MYLK: variants seen among roughly 807,000 people sequenced by gnomAD.
MYLK encodes the protein myosin light chain kinase.
MYLK carries 106 observed loss-of-function variants against 203.4 expected under a neutral mutation model. The ratio of observed to expected loss-of-function variants is 0.52; its 90% CI spans 0.45 to 0.61. MYLK has a LOEUF of 0.61. Among genes scored for constraint, MYLK ranks in the 20% least tolerant of loss-of-function variants. The pLI is 0.00. For synonymous variants in MYLK, 867 were observed against 959.5 expected (o/e 0.90, Z 1.78); for missense variants, 2,072 against 2,442.3 (o/e 0.85, Z 3.20).
rs148979405 is a variant in MYLK at position 123,702,805 on chromosome 3, A to G, written c.2391-1296T>C. ...CACGTTTGACACCAGCTTGGGCAAC[A>G]TAGCAAGACCTTACCTCTATTAAAA... is the stretch of plus-strand genomic sequence containing the variant. On this transcript the variant is annotated intron_variant, in intron 16 of 33. Coordinates refer to ENST00000360304, the MANE Select transcript of MYLK (RefSeq NM_053025.4). 1.2e-3 allele frequency among the ~76,000 whole-genome samples: 179 copies of G among 152,338 alleles called. 4 individuals carry two copies. The highest frequency in any genetic ancestry group is 1.8e-4 in the Non-Finnish European group (12 of 68,034).
chr3:123,772,221 G>T (rs2063906633), intron 4 of MYLK, among the ~76,000 whole-genome samples: 1 of 152,110 alleles, frequency 6.6e-6, no homozygotes. Flanking sequence ...AGGATTATAT[G>T]ATTAGATATG....
At chr3:123,718,554 T>C (rs1419760351) in intron 13 of MYLK, among the ~76,000 whole-genome samples, 2 of 152,222 alleles carry the variant, frequency 1.3e-5, no homozygotes, top group Admixed American at 6.5e-5. Context: ...GCTGTCTTGC[T>C]ACTCCTCGAA....
intron 3 of MYLK, among the ~76,000 whole-genome samples, chr3:123,797,019 A>G (rs1005774033): frequency 2.0e-5 from 3 of 152,236 alleles, no homozygotes; most frequent in African/African-American, 7.2e-5. Context: ...AAAATCCAAC[A>G]GTGAGAACTG....
At chr3:123,732,274 T>C (rs1340929099) in intron 11 of MYLK, among the ~76,000 whole-genome samples, 1 of 152,220 alleles carries the variant, frequency 6.6e-6, no homozygotes, top group Non-Finnish European at 1.5e-5. Flanking sequence ...CATACCTAAA[T>C]TAGATACAGC....
chr3:123,789,567 G>C (rs535122350), intron 4 of MYLK, among the ~76,000 whole-genome samples: 65 of 152,000 alleles, frequency 4.3e-4, no homozygotes, highest in Admixed American at 7.2e-4. Flanking sequence ...CACGGGAAGA[G>C]GGATCTGGTT....
rs114607641 is a variant in MYLK at position 123,653,696 on chromosome 3, C to T, written c.4288+3430G>A. On this transcript the variant is annotated intron_variant, in intron 24 of 33. Coordinates refer to ENST00000360304, the MANE Select transcript of MYLK (RefSeq NM_053025.4). Reference sequence around the variant, plus strand: ...TCTTCCTCCTGGCAGAGTCTCCACACAGCCCTGGGAGCAGCTGTCCTAGAC... The same window carrying T: ...TCTTCCTCCTGGCAGAGTCTCCACATAGCCCTGGGAGCAGCTGTCCTAGAC... Among the ~76,000 whole-genome samples the T allele has an allele frequency of 2.9e-3, 441 of 152,284 alleles. 2 individuals carry two copies. Among genetic ancestry groups the T allele is most frequent in the African/African-American group, 0.01 (425 of 41,554 alleles).
rs1421288220 is a variant in MYLK at position 123,709,819 on chromosome 3, G to C, written c.1879C>G (p.Gln627Glu). The C allele has an allele frequency of 2.5e-6, 4 of 1,614,210 alleles. No homozygotes were observed. Among genetic ancestry groups the C allele is most frequent in the Non-Finnish European group, 3.4e-6 (4 of 1,180,034 alleles). The change falls in exon 14 of 34, where the codon CAG becomes GAG. Residue 627 changes from glutamine (Q) to glutamate (E), a missense_variant. Gln to Glu is a conservative substitution (Grantham distance 29, BLOSUM62 2). Transcript: ENST00000360304. ...PSKPTAPIFL[Q>E]GLSDLKVMDG... ...ATGACTTTGAGATCAGAGAGGCCCT[G>C]CAGGAAGATGGGTGCAGTGGGCTTG... is the stretch of plus-strand genomic sequence containing the variant.
chr3:123,776,166 T>C (rs1051696081), intron 4 of MYLK, among the ~76,000 whole-genome samples: 1 of 152,168 alleles, frequency 6.6e-6, no homozygotes, highest in African/African-American at 2.4e-5. Flanking sequence ...AGATACAGAC[T>C]GAGGTCTACT....
At chr3:123,672,497 C>G (rs1022269139) in intron 20 of MYLK, among the ~76,000 whole-genome samples, 1 of 151,944 alleles carries the variant, frequency 6.6e-6, no homozygotes, top group East Asian at 1.9e-4. Flanking sequence ...GGGGTGGGCA[C>G]CAGTGGGGTG....
At position 123,661,102 on chromosome 3, in the gene MYLK, C is replaced by T. The variant is rs544093814; in HGVS notation, c.3985+3003G>A. On this transcript the variant is annotated intron_variant, in intron 23 of 33. Transcript: ENST00000360304. ...GCTCCTGCCAGCTGGCAGACAGCCA[C>T]GCCAATGGCCCTGTCAGCACTGGCT... is the stretch of plus-strand genomic sequence containing the variant. Among the ~76,000 whole-genome samples the T allele has an allele frequency of 1.1e-4, 16 of 152,330 alleles. No homozygotes were observed. In the East Asian group the frequency reaches 2.1e-3, roughly 20 times the overall value.
At position 123,700,501 on chromosome 3, in the gene MYLK, C is replaced by T. The variant is rs752368055; in HGVS notation, c.2967G>A (p.Lys989=). The T allele has an allele frequency of 1.9e-6, 3 of 1,608,128 alleles. No individual in the cohort carries two copies. In the South Asian group the frequency reaches 3.3e-5, roughly 18 times the overall value. Residue 989 remains lysine (K), a synonymous_variant, in exon 18 of 34, where the codon AAG becomes AAA. Transcript: ENST00000360304. ...TGCTGCCATTCTCTGCTGGTAATTTCTTCTTGCCACCCAGCACTGAGCGAA... is the reference window on the plus strand; with the variant it reads ...TGCTGCCATTCTCTGCTGGTAATTTTTTCTTGCCACCCAGCACTGAGCGAA... ...PDFRSVLGGK[K]KLPAENGSSS...
intron 27 of MYLK, among the ~76,000 whole-genome samples, chr3:123,641,653 T>A (rs2058835639): frequency 6.6e-6 from 1 of 151,860 alleles, no homozygotes. Flanking sequence ...ATTACAGGCA[T>A]AAGCCATCAT....
Position 123,677,215 on chromosome 3 carries a change from C to T in MYLK, c.3652+5009G>A, listed in dbSNP as rs143600531. Among the ~76,000 whole-genome samples the T allele has an allele frequency of 1.3e-3, 199 of 152,340 alleles. 3 individuals are homozygous for T. In the East Asian group the frequency reaches 0.037, roughly 28 times the overall value. On this transcript the variant is annotated intron_variant, in intron 20 of 33. Transcript: ENST00000360304. ...TATTAATCTCAACTGAACTGTGTCA[C>T]TCAAAAGCTTTCCATCCAACGGGCT...
chr3:123,629,829 C>T lies in MYLK; in HGVS notation c.4962-203G>A. On this transcript the variant is annotated intron_variant, in intron 29 of 33. Transcript: ENST00000360304. This position sits in a 1 kb window ranked among gnomAD's most constrained non-coding sequence, Gnocchi z 4.4. ...GCCCTGTCTTTTCTTGGTCACCTGC[C>T]TCTTGACACCACCTACCTGTGAGGC... 1.7e-6 allele frequency: 1 copy of T among 595,896 alleles called. No homozygotes were observed. The highest frequency in any genetic ancestry group is 3.0e-6 in the Non-Finnish European group (1 of 336,170). The allele number at this position is 595,896 out of a possible 1,614,324, so 36.9% of individuals were successfully genotyped here.
chr3:123,746,934 T>A (rs2108852620), intron 5 of MYLK, among the ~76,000 whole-genome samples: 1 of 152,140 alleles, frequency 6.6e-6, no homozygotes, highest in South Asian at 2.1e-4. Flanking sequence ...AAAAGTTAGA[T>A]AAAGGAAGAC....
chr3:123,770,695 G>A (rs937229313), intron 4 of MYLK, among the ~76,000 whole-genome samples: 2 of 152,212 alleles, frequency 1.3e-5, no homozygotes, highest in East Asian at 3.8e-4. Flanking sequence ...ATAGTTGATG[G>A]AAGTTGGTCT....
rs1018942072 is a variant in MYLK, at chr3:123,752,217, T to G, written c.373+114A>C. 1.2e-5 allele frequency: 13 copies of G among 1,097,100 alleles called. No individual in the cohort carries two copies. In the African/African-American group the frequency reaches 1.8e-4, roughly 16 times the overall value. 68.0% of individuals were successfully genotyped at this position (1,097,100 alleles called of 1,614,324 possible). A position where few individuals can be genotyped will look rare whatever the true frequency, so the allele number is the denominator to read the frequency against. ...AGGTCCGGGGTTCAAGGATGGGGTG[T>G]GTTTTCTCTTGTCAGTTCCTCCATC... On this transcript the variant is annotated intron_variant, in intron 5 of 33. Coordinates refer to ENST00000360304, the MANE Select transcript of MYLK (RefSeq NM_053025.4).
chr3:123,740,809 G>T (rs1292396598), intron 5 of MYLK, among the ~76,000 whole-genome samples: 1 of 152,254 alleles, frequency 6.6e-6, no homozygotes, highest in Non-Finnish European at 1.5e-5. Flanking sequence ...CATAGTAGGC[G>T]CTATCCTACT....
intron 5 of MYLK, among the ~76,000 whole-genome samples, chr3:123,740,893 G>C (rs2108825224): frequency 6.6e-6 from 1 of 152,364 alleles, no homozygotes; most frequent in African/African-American, 2.4e-5. Context: ...CAGCAAGGCA[G>C]CTGGGGTTAG....
Sources: gnomAD v4.1 joint callset for allele counts (sites outside exome capture counted in the v4.1 genomes callset) on GRCh38, gnomAD v4.1.1 for gene constraint, Gnocchi (gnomAD v3.1) non-coding constraint, MANE v1.5 for transcripts, NCBI Gene and HGNC (gene_info 2026-07-23, HGNC 2026-07-21) for gene names.